The following SLC19A1 variants were observed in gnomAD, a reference collection of about 807,000 sequenced individuals.
The protein encoded by SLC19A1 is solute carrier family 19 member 1.
SLC19A1 carries 37 observed loss-of-function variants against 35.3 expected under a neutral mutation model. That is an observed-to-expected ratio of 1.05 (90% confidence interval 0.81 to 1.38). The LOEUF (loss-of-function observed/expected upper bound fraction) is 1.38, where lower values mean the gene tolerates loss of function less well. Ranked by LOEUF, SLC19A1 falls within the 40% of genes most tolerant of loss-of-function variation. The pLI, the probability that SLC19A1 is intolerant of heterozygous loss-of-function variation, is 0.00. For missense variants in SLC19A1, 831 were observed against 826.9 expected, an observed-to-expected ratio of 1.00 and a Z score of -0.06; for synonymous variants, 460 against 398.5, an observed-to-expected ratio of 1.15 and a Z score of -1.84.
chr21:45,505,974 C>A (rs1219331052), intron 3 of SLC19A1: 1 of 1,613,070 alleles, frequency 6.2e-7, no homozygotes, highest in South Asian at 1.1e-5. Flanking sequence ...CAGGTGAGCG[C>A]TCTGTGTGAC....
chr21:45,552,119 G>C (rs1179644218), intron 1 of SLC19A1, among the ~76,000 whole-genome samples: 1 of 152,184 alleles, frequency 6.6e-6, no homozygotes, highest in East Asian at 1.9e-4. Flanking sequence ...GGGGCTGGCT[G>C]TGTGGTGGGG....
At chr21:45,519,300 A>G (rs1293759636) in intron 5 of SLC19A1, among the ~76,000 whole-genome samples, 2 of 152,214 alleles carry the variant, frequency 1.3e-5, no homozygotes. Context: ...AATAAATGAA[A>G]AATTAAAAAC....
At chr21:45,548,894 G>A (rs987187695), upstream of SLC19A1, among the ~76,000 whole-genome samples, 1 of 152,190 alleles carries the variant, frequency 6.6e-6, no homozygotes, top group East Asian at 1.9e-4. Flanking sequence ...AATTTAAGAA[G>A]CTGACAATAC....
At chr21:45,555,042 G>A (rs2078529847) in intron 1 of SLC19A1, among the ~76,000 whole-genome samples, 1 of 150,682 alleles carries the variant, frequency 6.6e-6, no homozygotes, top group African/African-American at 2.4e-5. Flanking sequence ...CGCGCCTGGA[G>A]GCCTCGGGTT....
At chr21:45,519,468 G>A (rs999760692) in intron 5 of SLC19A1, among the ~76,000 whole-genome samples, 7 of 148,696 alleles carry the variant, frequency 4.7e-5, no homozygotes, top group Admixed American at 1.4e-4. Context: ...ACCAAGATAG[G>A]AAGGTTGAAA....
chr21:45,525,643 G>T (rs551171211), intron 5 of SLC19A1, among the ~76,000 whole-genome samples, 174 bp downstream of exon 5: 25 of 152,312 alleles, frequency 1.6e-4, no homozygotes, highest in Non-Finnish European at 3.2e-4. Context: ...CCCCGCTAGG[G>T]TCTCTCTCAC....
downstream of SLC19A1, chr21:45,510,059 C>T (rs140073122): frequency 1.4e-3 from 2,212 of 1,554,646 alleles, 12 homozygotes; most frequent in African/African-American, 0.01. Flanking sequence ...CCCCTCTCCC[C>T]GCAGCTCCAC....
At chr21:45,503,648 A>AGG (rs1399435227) in intron 3 of SLC19A1, among the ~76,000 whole-genome samples, 2 of 56,296 alleles carry the variant, frequency 3.6e-5, no homozygotes, top group East Asian at 6.3e-4. Context: ...GGGTGGGGGG[A>AGG]GGGGGGAGGG....
chr21:45,534,682 C>T lies in SLC19A1; in HGVS notation c.190-2534G>A. The T allele has an allele frequency of 8.0e-7, 1 of 1,246,628 alleles. No individual in the cohort carries two copies. Among genetic ancestry groups the T allele is most frequent in the South Asian group, 1.3e-5 (1 of 77,064 alleles). The allele number at this position is 1,246,628 out of a possible 1,614,324, so 77.2% of individuals were successfully genotyped here. A position where few individuals can be genotyped will look rare whatever the true frequency, so the allele number is the denominator to read the frequency against. ...GCAGCCACCCAGAGCCCTCCCGCTC[C>T]TCTCCCTGCACCTCCTCAACGGCCC... On this transcript the variant is annotated intron_variant, in intron 2 of 5. Transcript: ENST00000311124. This position sits in a 1 kb window ranked among gnomAD's most constrained non-coding sequence, Gnocchi z 4.2.
At chr21:45,510,522 C>T (rs996868516), downstream of SLC19A1, among the ~76,000 whole-genome samples, 24 of 152,288 alleles carry the variant, frequency 1.6e-4, no homozygotes, top group Admixed American at 1.4e-3. Context: ...CCCCCCGCTC[C>T]CCCGGCAGTG....
downstream of SLC19A1, chr21:45,510,049 C>T: frequency 6.5e-7 from 1 of 1,547,444 alleles, no homozygotes; most frequent in Non-Finnish European, 8.7e-7. Context: ...CCGTGACGCG[C>T]CCCTCTCCCC....
rs374560164 is a variant in SLC19A1 at position 45,507,267 on chromosome 21, A to C, written c.498-8655T>G. On this transcript the variant is annotated intron_variant, in intron 3 of 4. Coordinates refer to the SLC19A1 transcript ENST00000417954. ...AGGTGGGTGCTGGGCAGGGAGGGCA[A>C]CCTGCTGTGGACTGGGAGGGCCGGG... The C allele has an allele frequency of 3.0e-4, 122 of 401,666 alleles. 1 individual carries two copies. The highest frequency in any genetic ancestry group is 1.4e-3 in the East Asian group (31 of 22,072). 24.9% of individuals were successfully genotyped at this position (401,666 alleles called of 1,614,324 possible). A position where few individuals can be genotyped will look rare whatever the true frequency, so the allele number is the denominator to read the frequency against.
chr21:45,515,598 C>T lies in SLC19A1; in HGVS notation c.*60G>A. On this transcript the variant is annotated 3_prime_UTR_variant, in exon 6 of 6. Transcript: ENST00000311124. ...TTGCTAAGGCAGGCGGCCCTCGAGG[C>T]AGGGGTCGTGGGGATGCACTGAGGG... 1.2e-6 allele frequency: 2 copies of T among 1,604,056 alleles called. No individual in the cohort carries two copies. Among genetic ancestry groups the T allele is most frequent in the South Asian group, 1.1e-5 (1 of 90,058 alleles).
At chr21:45,512,171 C>T, downstream of SLC19A1, 2 of 1,605,172 alleles carry the variant, frequency 1.2e-6, no homozygotes, top group Non-Finnish European at 1.7e-6. Flanking sequence ...TGACTGACGG[C>T]CCGGCGCGTC....
downstream of SLC19A1, chr21:45,509,726 G>A (rs1371505358): frequency 6.9e-6 from 5 of 726,722 alleles, no homozygotes; most frequent in Middle Eastern, 3.5e-4. Flanking sequence ...GGGTCTGGCG[G>A]CTCAGGGCCA....
downstream of SLC19A1, chr21:45,510,165 G>A (rs756828487): frequency 1.3e-5 from 20 of 1,596,778 alleles, no homozygotes; most frequent in South Asian, 6.7e-5. Context: ...TGGGGCTGGC[G>A]GGCACCTTCC....
chr21:45,524,110 C>T (rs1602738571), intron 5 of SLC19A1, among the ~76,000 whole-genome samples: 2 of 147,902 alleles, frequency 1.4e-5, no homozygotes, highest in Non-Finnish European at 3.0e-5. Flanking sequence ...GAGCGTTCAC[C>T]CCTGGGCCTC....
intron 2 of SLC19A1, among the ~76,000 whole-genome samples, chr21:45,537,476 C>T (rs1050354068): frequency 1.3e-5 from 2 of 150,496 alleles, no homozygotes; most frequent in Middle Eastern, 3.4e-3. Context: ...CGCCCACCCA[C>T]AGGCGGCCGC....
chr21:45,558,249 T>TGA (rs984125451), intron 1 of SLC19A1, among the ~76,000 whole-genome samples: 3 of 152,218 alleles, frequency 2.0e-5, no homozygotes, highest in Non-Finnish European at 2.9e-5. Flanking sequence ...GACGACAGGC[T>TGA]GAGACCCCCC....
Sources: gnomAD v4.1 joint callset for allele counts (sites outside exome capture counted in the v4.1 genomes callset) on GRCh38, gnomAD v4.1.1 for gene constraint, Gnocchi (gnomAD v3.1) non-coding constraint, MANE v1.5 for transcripts, NCBI Gene and HGNC (gene_info 2026-07-23, HGNC 2026-07-21) for gene names.